MLYCD: variants seen among roughly 807,000 people sequenced by gnomAD.
MLYCD encodes the protein malonyl-CoA decarboxylase.
In MLYCD, 27 loss-of-function variants were observed where a neutral mutation model predicts 35.8. That is an observed-to-expected ratio of 0.75 (90% CI 0.56 to 1.04). MLYCD has a LOEUF of 1.04. MLYCD is among the 50% of genes least tolerant of loss of function. MLYCD has a pLI of 0.00. For missense variants in MLYCD, 917 were observed against 665.1 expected, an observed-to-expected ratio of 1.38 and a Z score of -4.17; for synonymous variants, 403 against 302.4, an observed-to-expected ratio of 1.33 and a Z score of -3.45.
rs1437781636 is a variant in MLYCD, at chr16:83,917,283, C to G, written c.*1794C>G. 1 of 146,988 alleles carries G rather than the reference C, an allele frequency of 6.8e-6. No homozygotes were observed. Among genetic ancestry groups the G allele is most frequent in the Non-Finnish European group, 1.5e-5 (1 of 67,094 alleles). The allele number at this position is 146,988 out of a possible 1,614,324, so 9.1% of individuals were successfully genotyped here. The stretch of plus-strand genomic sequence containing the variant: ...CGTCTCTGTGTGGATCAGTGCACGT[C>G]TGTGTGCGTGTGCACAAGCATCTGT... On this transcript the variant is annotated 3_prime_UTR_variant, in exon 5 of 5. Transcript: ENST00000262430.
intron 1 of MLYCD, 33 bp downstream of exon 1, chr16:83,899,705 G>A (rs538360844): frequency 8.5e-5 from 127 of 1,486,996 alleles, no homozygotes; most frequent in Admixed American, 3.6e-4. Context: ...CCGGCAGCGC[G>A]GACTGGCCGC....
rs141615243 is a variant in MLYCD, at chr16:83,926,145, C to G, written c.*10656C>G. 1 of 152,486 alleles carries G rather than the reference C, an allele frequency of 6.6e-6. No homozygotes were observed. Among genetic ancestry groups the G allele is most frequent in the East Asian group, 1.9e-4 (1 of 5,182 alleles). The allele number at this position is 152,486 out of a possible 1,614,324, so 9.4% of individuals were successfully genotyped here. A position where few individuals can be genotyped will look rare whatever the true frequency, so the allele number is the denominator to read the frequency against. ...TAAAGGCAGGGTCTTTCTGGCCACGCCTGGCCCTGGTCTGGCCTCCCCAAG... is the reference window on the plus strand; with the variant it reads ...TAAAGGCAGGGTCTTTCTGGCCACGGCTGGCCCTGGTCTGGCCTCCCCAAG... On this transcript the variant is annotated 3_prime_UTR_variant, in exon 5 of 5. Transcript: ENST00000262430.
chr16:83,915,559 A>T lies in MLYCD; in HGVS notation c.*70A>T. On this transcript the variant is annotated 3_prime_UTR_variant, in exon 5 of 5. Coordinates refer to ENST00000262430, the MANE Select transcript of MLYCD (RefSeq NM_012213.3). The stretch of plus-strand genomic sequence containing the variant: ...TCATTTTCAGGAGGGGCCGGGAGTT[A>T]TGTATCTGAAGCAGCTTTCCAAGCA... 1 of 1,577,856 alleles carries T rather than the reference A, an allele frequency of 6.3e-7. No homozygotes were observed. The highest frequency in any genetic ancestry group is 8.5e-7 in the Non-Finnish European group (1 of 1,170,126).
At chr16:83,910,855 CA>C (rs1299611340) in intron 3 of MLYCD, among the ~76,000 whole-genome samples, 1 of 152,224 alleles carries the variant, frequency 6.6e-6, no homozygotes, top group Non-Finnish European at 1.5e-5. Context: ...CCTTTCCTCA[CA>C]GCAGCATTTC....
In MLYCD at chr16:83,916,760, G is replaced by T. The variant is rs1266138188; in HGVS notation, c.*1271G>T. ...TGCCCGAGCGTCTCTGTGTGGATCA[G>T]TGCACGTCTGTGTGCATGTGCACGA... is the stretch of plus-strand genomic sequence containing the variant. On this transcript the variant is annotated 3_prime_UTR_variant, in exon 5 of 5. Transcript: ENST00000262430. 7.2e-6 allele frequency: 1 copy of T among 139,804 alleles called. No individual in the cohort carries two copies. Among genetic ancestry groups the T allele is most frequent in the Non-Finnish European group, 1.5e-5 (1 of 65,590 alleles). The allele number at this position is 139,804 out of a possible 1,614,324, so 8.7% of individuals were successfully genotyped here. A position where few individuals can be genotyped will look rare whatever the true frequency, so the allele number is the denominator to read the frequency against.
chr16:83,915,762 G>C lies in MLYCD; in HGVS notation c.*273G>C. The C allele has an allele frequency of 7.5e-7, 1 of 1,337,522 alleles. No homozygotes were observed. The highest frequency in any genetic ancestry group is 3.1e-5 in the Admixed American group (1 of 32,112). 82.9% of individuals were successfully genotyped at this position (1,337,522 alleles called of 1,614,324 possible). A position where few individuals can be genotyped will look rare whatever the true frequency, so the allele number is the denominator to read the frequency against. On this transcript the variant is annotated 3_prime_UTR_variant, in exon 5 of 5. Coordinates refer to ENST00000262430, the MANE Select transcript of MLYCD (RefSeq NM_012213.3). The stretch of plus-strand genomic sequence containing the variant: ...AAGATTCTGTCGTTGCCCTTGGCCT[G>C]GCTCCCTGCCCGGGGCTGGTGCTGT...
chr16:83,900,511 G>T (rs1239825863), intron 1 of MLYCD, among the ~76,000 whole-genome samples: 1 of 151,504 alleles, frequency 6.6e-6, no homozygotes, highest in Non-Finnish European at 1.5e-5. Flanking sequence ...ACTTCCCCAG[G>T]CTCAAGCAAT....
In MLYCD at chr16:83,926,738, G is replaced by T. The variant is rs748433782; in HGVS notation, c.*11249G>T. Reference sequence around the variant, plus strand: ...ACCTGCCGCATGGCAGGCTCTTTACGGACAGCGCAGGGACGCACTTTGATG... The same window carrying T: ...ACCTGCCGCATGGCAGGCTCTTTACTGACAGCGCAGGGACGCACTTTGATG... On this transcript the variant is annotated 3_prime_UTR_variant, in exon 5 of 5. Transcript: ENST00000262430. 2.3e-4 allele frequency: 35 copies of T among 152,354 alleles called. No individual in the cohort carries two copies. The highest frequency in any genetic ancestry group is 7.7e-4 in the African/African-American group (32 of 41,592). 9.4% of individuals were successfully genotyped at this position (152,354 alleles called of 1,614,324 possible).
chr16:83,902,315 A>G (rs1322165175), intron 1 of MLYCD, among the ~76,000 whole-genome samples: 3 of 149,706 alleles, frequency 2.0e-5, no homozygotes, highest in African/African-American at 4.9e-5. Context: ...CAATCCTCCA[A>G]TCCCAAGTGC....
chr16:83,907,812 G>T (rs1170871740), intron 2 of MLYCD, among the ~76,000 whole-genome samples: 1 of 152,170 alleles, frequency 6.6e-6, no homozygotes, highest in Non-Finnish European at 1.5e-5. Flanking sequence ...AGAAAAGACA[G>T]TGTTCAACAC....
rs1907747695 is a variant in MLYCD, at chr16:83,924,493, G to A, written c.*9004G>A. ...ACCCCCGGCTTGTTCTCTCACGTCT[G>A]TTGCCGTAAATCTGTCTCCATCGCC... On this transcript the variant is annotated 3_prime_UTR_variant, in exon 5 of 5. Transcript: ENST00000262430. 6.6e-6 allele frequency: 1 copy of A among 152,186 alleles called. No individual in the cohort carries two copies. 9.4% of individuals were successfully genotyped at this position (152,186 alleles called of 1,614,324 possible).
At chr16:83,910,474 G>A (rs538837581) in intron 3 of MLYCD, among the ~76,000 whole-genome samples, 11 of 152,140 alleles carry the variant, frequency 7.2e-5, no homozygotes, top group African/African-American at 2.6e-4. Flanking sequence ...CGGATCACCT[G>A]AGGTCAGGAG....
intron 1 of MLYCD, 24 bp downstream of exon 1, chr16:83,899,696 C>G (rs1007257950): frequency 1.3e-6 from 2 of 1,492,068 alleles, no homozygotes; most frequent in East Asian, 2.7e-5. Context: ...GTCGATCCCC[C>G]GGCAGCGCGG....
In MLYCD at chr16:83,918,673, G is replaced by A. The variant is rs990514350; in HGVS notation, c.*3184G>A. On this transcript the variant is annotated 3_prime_UTR_variant, in exon 5 of 5. Coordinates refer to ENST00000262430, the MANE Select transcript of MLYCD (RefSeq NM_012213.3). ...GCACAGGAGAACACAGTGCACAGGA[G>A]AATACAGACTGCACAGAACACACGC... 1 of 143,496 alleles carries A rather than the reference G, an allele frequency of 7.0e-6. No individual in the cohort carries two copies. The highest frequency in any genetic ancestry group is 2.6e-5 in the African/African-American group (1 of 37,798). 8.9% of individuals were successfully genotyped at this position (143,496 alleles called of 1,614,324 possible). A position where few individuals can be genotyped will look rare whatever the true frequency, so the allele number is the denominator to read the frequency against.
Position 83,916,083 on chromosome 16 carries a change from G to C in MLYCD, c.*594G>C. 1 of 996,900 alleles carries C rather than the reference G, an allele frequency of 1.0e-6. No individual in the cohort carries two copies. Among genetic ancestry groups the C allele is most frequent in the Non-Finnish European group, 1.2e-6 (1 of 835,444 alleles). The allele number at this position is 996,900 out of a possible 1,614,324, so 61.8% of individuals were successfully genotyped here. On this transcript the variant is annotated 3_prime_UTR_variant, in exon 5 of 5. Coordinates refer to ENST00000262430, the MANE Select transcript of MLYCD (RefSeq NM_012213.3). ...AATTGTTGAACACAAAAATGTTGCTGCTTGAGGCATAAGTTGGATAATAGG... is the reference window on the plus strand; with the variant it reads ...AATTGTTGAACACAAAAATGTTGCTCCTTGAGGCATAAGTTGGATAATAGG...
At chr16:83,903,982 G>C (rs1405080466) in intron 1 of MLYCD, among the ~76,000 whole-genome samples, 1 of 152,178 alleles carries the variant, frequency 6.6e-6, no homozygotes, top group Non-Finnish European at 1.5e-5. Flanking sequence ...AGCCTGAACA[G>C]CTGCTGCCGG....
rs911036521 is a variant in MLYCD at position 83,917,438 on chromosome 16, C to G, written c.*1949C>G. Reference sequence around the variant, plus strand: ...GTCTGTGTGCGTGTGTCCGCAGTTGCCCTGTCCTCGCTGTCCTCGGTTTGG... The same window carrying G: ...GTCTGTGTGCGTGTGTCCGCAGTTGGCCTGTCCTCGCTGTCCTCGGTTTGG... On this transcript the variant is annotated 3_prime_UTR_variant, in exon 5 of 5. Coordinates refer to ENST00000262430, the MANE Select transcript of MLYCD (RefSeq NM_012213.3). 1 of 154,688 alleles carries G rather than the reference C, an allele frequency of 6.5e-6. No individual in the cohort carries two copies. Among genetic ancestry groups the G allele is most frequent in the African/African-American group, 2.4e-5 (1 of 41,550 alleles). 9.6% of individuals were successfully genotyped at this position (154,688 alleles called of 1,614,324 possible).
chr16:83,910,648 G>A (rs1186533310), intron 3 of MLYCD, among the ~76,000 whole-genome samples: 2 of 149,752 alleles, frequency 1.3e-5, no homozygotes, highest in Admixed American at 6.7e-5. Context: ...CCGAGGTCGT[G>A]CCACTGCACT....
intron 3 of MLYCD, among the ~76,000 whole-genome samples, chr16:83,909,609 G>C (rs1454041881): frequency 6.7e-6 from 1 of 148,894 alleles, no homozygotes. Flanking sequence ...TGATTTAGGT[G>C]GTGGTGTTGT....
Sources: allele counts gnomAD v4.1 joint callset (sites outside exome capture counted in the v4.1 genomes callset), GRCh38; gene constraint gnomAD v4.1.1; transcripts MANE v1.5; gene names NCBI Gene and HGNC (gene_info 2026-07-23, HGNC 2026-07-21).